Variants in AOX1 observed in about 807,000 individuals in gnomAD.
The protein encoded by AOX1 is aldehyde oxidase.
AOX1 carries 153 observed loss-of-function variants against 169.5 expected under a neutral mutation model. That is an observed-to-expected ratio of 0.90 (90% CI 0.79 to 1.03). The LOEUF is 1.03. Among genes scored for constraint, AOX1 ranks in the 50% least tolerant of loss-of-function variants. The pLI is 0.00. For synonymous variants in AOX1, 562 were observed against 581.9 expected (o/e 0.97, Z 0.49); for missense variants, 1,656 against 1,663.9 (o/e 1.00, Z 0.08).
chr2:200,595,426 A>G (rs913549027), intron 3 of AOX1, 58 bp downstream of exon 3: 3 of 1,286,556 alleles, frequency 2.3e-6, no homozygotes, highest in African/African-American at 1.5e-5. Flanking sequence ...ACTTTGTTAT[A>G]TTCCTTCATT....
At chr2:200,623,765 T>C in intron 18 of AOX1, 96 bp from the exon 19 acceptor site, 1 of 1,578,388 alleles carries the variant, frequency 6.3e-7, no homozygotes, top group Admixed American at 1.7e-5. Context: ...GCCCTAGCCC[T>C]ACTGTAATCG....
At position 200,659,221 on chromosome 2, in the gene AOX1, CACA is replaced by C; in HGVS notation, c.3229_3231del (p.Thr1077del). The C allele has an allele frequency of 1.9e-6, 3 of 1,613,956 alleles. No individual in the cohort carries two copies. Among genetic ancestry groups the C allele is most frequent in the Non-Finnish European group, 2.5e-6 (3 of 1,179,886 alleles). On this transcript the variant is annotated inframe_deletion, in exon 28 of 35. Transcript: ENST00000374700. ...CGAATGTCCACCTGCGTGGAACAAG[CACA>C]GAAACTGTCCCTAATGCAAATATCT...
At chr2:200,616,102 G>GATTTGATTT in intron 16 of AOX1, 39 bp downstream of exon 16, 1 of 1,455,464 alleles carries the variant, frequency 6.9e-7, no homozygotes, top group Non-Finnish European at 9.6e-7. Context: ...TCACAATCTG[G>GATTTGATTT]GCTATAGTGA....
At chr2:200,669,520 A>G in intron 33 of AOX1, 55 bp from the exon 34 acceptor site, 4 of 1,580,732 alleles carry the variant, frequency 2.5e-6, no homozygotes, top group South Asian at 1.1e-5. Flanking sequence ...AAATATGCAC[A>G]TATATACAGA....
intron 16 of AOX1, among the ~76,000 whole-genome samples, chr2:200,619,639 T>C (rs2034840412): frequency 6.6e-6 from 1 of 152,220 alleles, no homozygotes; most frequent in Non-Finnish European, 1.5e-5. Flanking sequence ...TTGTGCTGAT[T>C]AATGTCTGCT....
chr2:200,592,956 GT>G (rs2034205942), intron 1 of AOX1, among the ~76,000 whole-genome samples, 189 bp from the exon 2 acceptor site: 1 of 151,964 alleles, frequency 6.6e-6, no homozygotes, highest in South Asian at 2.1e-4. Context: ...GAGCACAATT[GT>G]GGTGGGGCTC....
At position 200,636,982 on chromosome 2, in the gene AOX1, G is replaced by A. The variant is rs148411225; in HGVS notation, c.2418G>A (p.Ala806=). The A allele has an allele frequency of 1.1e-4, 173 of 1,614,130 alleles. No individual in the cohort carries two copies. Among genetic ancestry groups the A allele is most frequent in the South Asian group, 4.4e-5 (4 of 91,080 alleles). ...GCCATGTAAGGCGTGTTGGTGGAGC[G>A]TTTGGAGGGAAGGTGTTAAAAACCG... ...VMCHVRRVGG[A]FGGKVLKTGI... Residue 806 remains alanine (A), a synonymous_variant, in exon 22 of 35, where the codon GCG becomes GCA. Coordinates refer to ENST00000374700, the MANE Select transcript of AOX1 (RefSeq NM_001159.4).
rs1286010281 is a variant in AOX1 at position 200,663,572 on chromosome 2, A to ACACACT, written c.3543+604_3543+605insACACTC. On this transcript the variant is annotated intron_variant, in intron 31 of 34. Coordinates refer to ENST00000374700, the MANE Select transcript of AOX1 (RefSeq NM_001159.4). ...CACACACACACACACACACACACAC[A>ACACACT]CTCTCTCTCTCTCTCTCTCTCTCTC... 2.9e-3 allele frequency among the ~76,000 whole-genome samples: 303 copies of ACACACT among 105,120 alleles called. 2 individuals carry two copies. In the East Asian group the frequency reaches 0.038, roughly 13 times the overall value. The allele number at this position is 105,120 out of a possible 152,430, so 69.0% of individuals were successfully genotyped here. A position where few individuals can be genotyped will look rare whatever the true frequency, so the allele number is the denominator to read the frequency against.
At chr2:200,664,397 T>C (rs766928845) in intron 31 of AOX1, among the ~76,000 whole-genome samples, 2 of 152,234 alleles carry the variant, frequency 1.3e-5, no homozygotes, top group Non-Finnish European at 2.9e-5. Context: ...AGTGCTGGGA[T>C]TATAGGCCTG....
At chr2:200,603,874 T>G in intron 7 of AOX1, 143 bp from the exon 8 acceptor site, 1 of 613,820 alleles carries the variant, frequency 1.6e-6, no homozygotes, top group South Asian at 1.9e-5. Flanking sequence ...GCCCTTGGTT[T>G]GGAGCGCGGG....
chr2:200,650,925 A>G (rs368282635), intron 25 of AOX1, 49 bp from the exon 26 acceptor site: 5 of 1,554,782 alleles, frequency 3.2e-6, no homozygotes, highest in Middle Eastern at 1.7e-4. Flanking sequence ...GGATGAGCCT[A>G]TGTCTGCTGG....
chr2:200,595,522 A>G (rs2034264856), intron 3 of AOX1, among the ~76,000 whole-genome samples, 154 bp downstream of exon 3: 1 of 152,186 alleles, frequency 6.6e-6, no homozygotes, highest in South Asian at 2.1e-4. Context: ...TGGTCCTAGG[A>G]ATATGAATGT....
At chr2:200,625,489 G>A (rs1245891223) in intron 19 of AOX1, among the ~76,000 whole-genome samples, 1 of 152,132 alleles carries the variant, frequency 6.6e-6, no homozygotes. Flanking sequence ...CCCAGCATCA[G>A]ATACAAGCTC....
downstream of AOX1, among the ~76,000 whole-genome samples, chr2:200,679,121 T>A (rs983008271): frequency 2.0e-5 from 3 of 152,208 alleles, no homozygotes; most frequent in Admixed American, 6.5e-5. Flanking sequence ...ACTCTTTATT[T>A]TTAGGTAGCC....
At chr2:200,600,499 A>C (rs1197589536) in intron 5 of AOX1, among the ~76,000 whole-genome samples, 2 of 151,996 alleles carry the variant, frequency 1.3e-5, no homozygotes, top group African/African-American at 4.8e-5. Context: ...CTCATCAACA[A>C]GATTCTAAAC....
chr2:200,611,157 T>C (rs568083297), intron 12 of AOX1, among the ~76,000 whole-genome samples: 1 of 152,308 alleles, frequency 6.6e-6, no homozygotes, highest in African/African-American at 2.4e-5. Context: ...GCCCAGTCGA[T>C]GTTTTTATCG....
At chr2:200,674,303 T>C (rs1489164374), downstream of AOX1, among the ~76,000 whole-genome samples, 1 of 152,140 alleles carries the variant, frequency 6.6e-6, no homozygotes, top group African/African-American at 2.4e-5. Context: ...AAGGGGAAAT[T>C]TTCCCAATAG....
chr2:200,649,950 C>T lies in AOX1; in HGVS notation c.2848-1024C>T, dbSNP rs540285294. Among the ~76,000 whole-genome samples the T allele has an allele frequency of 3.3e-5, 5 of 152,228 alleles. No homozygotes were observed. In the South Asian group the frequency reaches 6.2e-4, roughly 19 times the overall value. On this transcript the variant is annotated intron_variant, in intron 25 of 34. Coordinates refer to ENST00000374700, the MANE Select transcript of AOX1 (RefSeq NM_001159.4). ...GCCAGCTCTTCCAGAAATTGGCAGT[C>T]CTTGGACCTTCAGCGGGCAGCTGGC...
At chr2:200,631,132 A>G (rs2035117782) in intron 20 of AOX1, among the ~76,000 whole-genome samples, 1 of 152,214 alleles carries the variant, frequency 6.6e-6, no homozygotes, top group Admixed American at 6.5e-5. Context: ...GTTTGCACTT[A>G]TCTGCTGCGA....
Sources: allele counts gnomAD v4.1 joint callset (sites outside exome capture counted in the v4.1 genomes callset), GRCh38; gene constraint gnomAD v4.1.1; transcripts MANE v1.5; gene names NCBI Gene and HGNC (gene_info 2026-07-23, HGNC 2026-07-21).